The following AKR1C3 variants were observed in gnomAD, a reference collection of about 807,000 sequenced individuals.
The protein encoded by AKR1C3 is 3-alpha hydroxysteroid dehydrogenase, type II.
AKR1C3 carries 48 observed loss-of-function variants against 43.6 expected under a neutral mutation model. That is an observed-to-expected ratio of 1.10 (90% confidence interval 0.87 to 1.40). AKR1C3 has a LOEUF of 1.40. AKR1C3 is among the 40% of genes most tolerant of loss of function. AKR1C3 has a pLI of 0.00. For synonymous variants in AKR1C3, 162 were observed against 139.6 expected, an observed-to-expected ratio of 1.16 and a Z score of -1.13; for missense variants, 482 against 391.2, an observed-to-expected ratio of 1.23 and a Z score of -1.96.
intron 2 of AKR1C3, 132 bp downstream of exon 2, chr10:5,096,709 A>G: frequency 7.2e-7 from 1 of 1,397,562 alleles, no homozygotes; most frequent in Non-Finnish European, 9.5e-7. Context: ...ACATACTCAC[A>G]TACTAAAACT....
intron 1 of AKR1C3, among the ~76,000 whole-genome samples, chr10:5,064,662 A>C (rs1208236294): frequency 4.6e-5 from 7 of 152,224 alleles, no homozygotes; most frequent in African/African-American, 1.7e-4. Flanking sequence ...AGAATCTACA[A>C]GAAACTTAAA....
chr10:5,069,874 CAAAA>C (rs532638950), intron 1 of AKR1C3, among the ~76,000 whole-genome samples: 1 of 143,042 alleles, frequency 7.0e-6, no homozygotes. Context: ...AACTCTGTCT[CAAAA>C]AAAAAAAGGA....
intron 7 of AKR1C3, among the ~76,000 whole-genome samples, chr10:5,104,756 T>C (rs1839456858): frequency 1.3e-5 from 2 of 152,170 alleles, no homozygotes; most frequent in Non-Finnish European, 2.9e-5. Context: ...TCATTAATTT[T>C]ATAACATTCT....
At chr10:5,104,426 A>C (rs1324294790) in intron 7 of AKR1C3, among the ~76,000 whole-genome samples, 1 of 152,092 alleles carries the variant, frequency 6.6e-6, no homozygotes, top group East Asian at 1.9e-4. Flanking sequence ...TTCACAAATA[A>C]TATTCTTGCC....
chr10:5,059,281 C>T (rs182285634), intron 1 of AKR1C3, among the ~76,000 whole-genome samples: 21 of 152,278 alleles, frequency 1.4e-4, no homozygotes, highest in African/African-American at 4.3e-4. Context: ...AGACAGGTAG[C>T]AGTCTTTAGA....
chr10:5,086,193 G>A (rs1157099841), intron 1 of AKR1C3, among the ~76,000 whole-genome samples: 1 of 151,728 alleles, frequency 6.6e-6, no homozygotes, highest in Non-Finnish European at 1.5e-5. Flanking sequence ...CATCTTTCCT[G>A]CTTTGTCTTG....
At chr10:5,058,520 C>A (rs189236358) in intron 1 of AKR1C3, among the ~76,000 whole-genome samples, 9 of 152,274 alleles carry the variant, frequency 5.9e-5, no homozygotes, top group African/African-American at 2.2e-4. Context: ...TGTTTCCCAT[C>A]TGAAAGACAA....
intron 1 of AKR1C3, chr10:5,077,780 T>G (rs1838744713): frequency 1.1e-6 from 1 of 916,300 alleles, no homozygotes; most frequent in Non-Finnish European, 1.4e-6. Context: ...AGTTTTACAT[T>G]AACATGTTCC....
chr10:5,052,747 G>T (rs920146366), intron 1 of AKR1C3, among the ~76,000 whole-genome samples: 1 of 151,876 alleles, frequency 6.6e-6, no homozygotes, highest in South Asian at 2.1e-4. Context: ...TAGATACAGA[G>T]TGTGGACACA....
chr10:5,092,201 C>T (rs182284196), upstream of AKR1C3, among the ~76,000 whole-genome samples: 546 of 152,138 alleles, frequency 3.6e-3, no homozygotes, highest in Non-Finnish European at 5.1e-3. Context: ...TTATGTTTCT[C>T]CTGCTGCTTT....
At chr10:5,078,119 A>G in intron 1 of AKR1C3, 1 of 535,512 alleles carries the variant, frequency 1.9e-6, no homozygotes, top group Non-Finnish European at 3.2e-6. Context: ...TCAACATACT[A>G]GAGTGATTCA....
chr10:5,063,953 G>A (rs782553413), intron 1 of AKR1C3, among the ~76,000 whole-genome samples: 3 of 151,820 alleles, frequency 2.0e-5, no homozygotes, highest in East Asian at 1.9e-4. Context: ...CGCCAACTAC[G>A]TTTATGTCAT....
chr10:5,095,721 G>A (rs868919086), intron 1 of AKR1C3, among the ~76,000 whole-genome samples: 3 of 136,334 alleles, frequency 2.2e-5, no homozygotes, highest in Non-Finnish European at 4.7e-5. Context: ...TATTTTTTAT[G>A]GCAGAACTGT....
At chr10:5,064,729 A>G (rs1554780615) in intron 1 of AKR1C3, among the ~76,000 whole-genome samples, 1 of 152,210 alleles carries the variant, frequency 6.6e-6, no homozygotes, top group Non-Finnish European at 1.5e-5. Flanking sequence ...AAATACGTGA[A>G]GAGATGCTTT....
chr10:5,053,511 A>C (rs1838197816), intron 1 of AKR1C3, among the ~76,000 whole-genome samples: 1 of 152,200 alleles, frequency 6.6e-6, no homozygotes, highest in Non-Finnish European at 1.5e-5. Context: ...GCTGAGGGAG[A>C]TGGCTCTGGC....
At chr10:5,072,431 C>T (rs984711512) in intron 1 of AKR1C3, among the ~76,000 whole-genome samples, 7 of 152,110 alleles carry the variant, frequency 4.6e-5, no homozygotes, top group East Asian at 1.9e-4. Flanking sequence ...ATGCTCATGT[C>T]TTAGACTATT....
chr10:5,052,177 T>C (rs899828632), intron 1 of AKR1C3, among the ~76,000 whole-genome samples: 2 of 151,896 alleles, frequency 1.3e-5, no homozygotes, highest in East Asian at 3.9e-4. Context: ...ACATGGTGAG[T>C]GTTACAGCTC....
At chr10:5,057,710 G>A (rs573059977) in intron 1 of AKR1C3, among the ~76,000 whole-genome samples, 2 of 152,262 alleles carry the variant, frequency 1.3e-5, no homozygotes, top group South Asian at 4.1e-4. Flanking sequence ...CTGAGTCAAG[G>A]TCCCAGTGGG....
intron 1 of AKR1C3, chr10:5,077,742 A>T: frequency 3.4e-6 from 4 of 1,168,622 alleles, no homozygotes; most frequent in Non-Finnish European, 3.2e-6. Flanking sequence ...AGAAAAAAAA[A>T]GGTGCAGCTC....
Sources: gnomAD v4.1 joint callset for allele counts (sites outside exome capture counted in the v4.1 genomes callset) on GRCh38, gnomAD v4.1.1 for gene constraint, MANE v1.5 for transcripts, NCBI Gene and HGNC (gene_info 2026-07-23, HGNC 2026-07-21) for gene names.